Variants in ARAP2 observed in about 807,000 individuals in gnomAD.
ARAP2 encodes the protein ArfGAP with RhoGAP domain, ankyrin repeat and PH domain 2.
A neutral mutation model predicts 194.5 loss-of-function variants in ARAP2; 148 were observed. That is an observed-to-expected ratio of 0.76 (90% CI 0.67 to 0.87). The LOEUF (loss-of-function observed/expected upper bound fraction) is 0.87, where lower values mean the gene tolerates loss of function less well. Among genes scored for constraint, ARAP2 ranks in the 40% least tolerant of loss-of-function variants. The probability of loss-of-function intolerance (pLI) is 0.00; values close to 1 mark genes in which losing one functional copy is unlikely to be tolerated. For missense variants in ARAP2, 2,128 were observed against 1,989.7 expected, an observed-to-expected ratio of 1.07 and a Z score of -1.32; for synonymous variants, 695 against 683.5, an observed-to-expected ratio of 1.02 and a Z score of -0.26.
At chr4:36,209,278 A>C in intron 6 of ARAP2, 1 of 394,876 alleles carries the variant, frequency 2.5e-6, no homozygotes. Flanking sequence ...CGACATCTGA[A>C]TATGCACTTA....
chr4:36,170,435 C>T (rs772981188), intron 9 of ARAP2, among the ~76,000 whole-genome samples: 2 of 152,066 alleles, frequency 1.3e-5, no homozygotes, highest in East Asian at 1.9e-4. Flanking sequence ...AAACGAAAAC[C>T]AAAAAGACTC....
At chr4:36,155,731 C>T (rs1181155542) in intron 15 of ARAP2, among the ~76,000 whole-genome samples, 1 of 151,224 alleles carries the variant, frequency 6.6e-6, no homozygotes, top group South Asian at 2.1e-4. Flanking sequence ...GGCGCAATCT[C>T]GGCTCACTGC....
At chr4:36,132,073 T>C (rs1211803130) in intron 20 of ARAP2, among the ~76,000 whole-genome samples, 2 of 151,790 alleles carry the variant, frequency 1.3e-5, no homozygotes, top group East Asian at 3.9e-4. Flanking sequence ...GAACAAGAGA[T>C]TAAAATATGC....
At chr4:36,160,434 T>A (rs769145770) in intron 13 of ARAP2, 25 bp downstream of exon 13, 1 of 1,493,160 alleles carries the variant, frequency 6.7e-7, no homozygotes. Context: ...AAAATCCACG[T>A]CTGCTGTTAT....
At chr4:36,152,659 C>A (rs921306917) in intron 15 of ARAP2, among the ~76,000 whole-genome samples, 2 of 129,124 alleles carry the variant, frequency 1.5e-5, no homozygotes, top group African/African-American at 3.1e-5. Flanking sequence ...AGCCCCCCCA[C>A]CATACTGAAG....
At chr4:36,236,445 C>G (rs1315394930) in intron 1 of ARAP2, among the ~76,000 whole-genome samples, 1 of 152,068 alleles carries the variant, frequency 6.6e-6, no homozygotes, top group African/African-American at 2.4e-5. Context: ...ATAATACAAT[C>G]GAATCAGTCA....
At chr4:36,154,934 A>G (rs34879731) in intron 15 of ARAP2, among the ~76,000 whole-genome samples, 13,805 of 152,272 alleles carry the variant, frequency 0.091, 696 homozygotes, top group Middle Eastern at 0.13. Flanking sequence ...CTATTGCACA[A>G]ACTTCAAGGG....
In ARAP2 at chr4:36,210,466, A is replaced by G; in HGVS notation, c.1411T>C (p.Ser471Pro). ...GCTCCATAAAAGCAGGCATAGGGAG[A>G]TATTGCCTGTGAAGAAACGGCTGAT... ...DSSAVSSQAI[S>P]PYACFYGASA... The change falls in exon 6 of 33, where the codon TCT becomes CCT. Residue 471 changes from serine to proline, a missense_variant. Ser to Pro is a moderately conservative substitution (Grantham distance 74, BLOSUM62 -1). Transcript: ENST00000303965. The G allele has an allele frequency of 6.2e-7, 1 of 1,613,886 alleles. No individual in the cohort carries two copies. Among genetic ancestry groups the G allele is most frequent in the Non-Finnish European group, 8.5e-7 (1 of 1,179,864 alleles).
chr4:36,123,844 A>G (rs1723253476), intron 22 of ARAP2, among the ~76,000 whole-genome samples: 1 of 151,634 alleles, frequency 6.6e-6, no homozygotes, highest in African/African-American at 2.4e-5. Context: ...TGTCCCAGAC[A>G]TTATCCTTCA....
chr4:36,061,712 T>C (rs1189503353), downstream of ARAP2, among the ~76,000 whole-genome samples: 1 of 152,252 alleles, frequency 6.6e-6, no homozygotes, highest in Non-Finnish European at 1.5e-5. Context: ...ATGGTAGTTC[T>C]ACTTTTAGTT....
chr4:36,144,869 T>C lies in ARAP2; in HGVS notation c.3263+2427A>G, dbSNP rs564582759. 4.6e-5 allele frequency among the ~76,000 whole-genome samples: 7 copies of C among 152,004 alleles called. No individual in the cohort carries two copies. The East Asian group carries it at 1.4e-3, about 29-fold the overall frequency. On this transcript the variant is annotated intron_variant, in intron 19 of 32. Coordinates refer to ENST00000303965, the MANE Select transcript of ARAP2 (RefSeq NM_015230.4). ...AACCTCTCCTCCTCCTCAACCTACA[T>C]ATATAAAGACGACACAGATGAATAC... is the stretch of plus-strand genomic sequence containing the variant.
intron 19 of ARAP2, among the ~76,000 whole-genome samples, chr4:36,140,157 C>CACAT (rs1392061825): frequency 2.0e-5 from 3 of 151,088 alleles, no homozygotes; most frequent in African/African-American, 7.3e-5. Context: ...CACACACACA[C>CACAT]ACACACACAC....
chr4:36,067,882 T>A lies in ARAP2; in HGVS notation c.*25A>T, dbSNP rs762556279. On this transcript the variant is annotated 3_prime_UTR_variant, in exon 33 of 33. Coordinates refer to ENST00000303965, the MANE Select transcript of ARAP2 (RefSeq NM_015230.4). ...ATTGCATACAATATTAAAAAAATAA[T>A]CTGGGGAGCAATTCATTTTATTTCC... The A allele has an allele frequency of 6.5e-7, 1 of 1,538,558 alleles. No homozygotes were observed. The highest frequency in any genetic ancestry group is 2.3e-5 in the East Asian group (1 of 43,992).
At chr4:36,050,927 T>C (rs1722558184) in intron 3 of ARAP2, among the ~76,000 whole-genome samples, 1 of 152,222 alleles carries the variant, frequency 6.6e-6, no homozygotes, top group Non-Finnish European at 1.5e-5. Flanking sequence ...CATGAGTTAT[T>C]TGTGGAAGTA....
chr4:36,163,484 G>A (rs985292787), intron 11 of ARAP2, among the ~76,000 whole-genome samples: 2 of 152,160 alleles, frequency 1.3e-5, no homozygotes, highest in Non-Finnish European at 2.9e-5. Flanking sequence ...CAGTTAAAAG[G>A]TAGCTGATTA....
At chr4:36,244,517 C>G (rs955473681), upstream of ARAP2, 4 of 151,484 alleles carry the variant, frequency 2.6e-5, 1 homozygote, top group Middle Eastern at 6.8e-3. Flanking sequence ...GCTTCCTCTC[C>G]GCCCGCGGGG....
intron 21 of ARAP2, among the ~76,000 whole-genome samples, chr4:36,127,349 C>T (rs989888258): frequency 3.3e-5 from 5 of 151,894 alleles, no homozygotes; most frequent in African/African-American, 4.8e-5. Flanking sequence ...ACAGTGAACC[C>T]TACTGATTTG....
intron 26 of ARAP2, among the ~76,000 whole-genome samples, 181 bp from the exon 27 acceptor site, chr4:36,107,874 C>T (rs1276106080): frequency 6.6e-6 from 1 of 151,714 alleles, no homozygotes; most frequent in East Asian, 1.9e-4. Flanking sequence ...ATCCTAAGAC[C>T]TAGAAAATTA....
intron 32 of ARAP2, among the ~76,000 whole-genome samples, chr4:36,072,918 C>T (rs1479536530): frequency 2.0e-5 from 3 of 152,036 alleles, no homozygotes; most frequent in Admixed American, 6.6e-5. Context: ...AAATGGCTTT[C>T]GTCTTTCAAA....
Sources: gnomAD v4.1 joint callset for allele counts (sites outside exome capture counted in the v4.1 genomes callset) on GRCh38, gnomAD v4.1.1 for gene constraint, MANE v1.5 for transcripts, NCBI Gene and HGNC (gene_info 2026-07-23, HGNC 2026-07-21) for gene names.